The following KCTD16 variants were observed in gnomAD, a reference collection of about 807,000 sequenced individuals.
The protein encoded by KCTD16 is BTB/POZ domain-containing protein KCTD16.
In KCTD16, 13 loss-of-function variants were observed where a neutral mutation model predicts 33.2. The ratio of observed to expected loss-of-function variants is 0.39; its 90% CI spans 0.25 to 0.62. The LOEUF is 0.62. Among genes scored for constraint, KCTD16 ranks in the 20% least tolerant of loss-of-function variants. The pLI is 0.50. For synonymous variants in KCTD16, 197 were observed against 195.3 expected (o/e 1.01, Z -0.07); for missense variants, 441 against 525.1 (o/e 0.84, Z 1.57).
intron 2 of KCTD16, among the ~76,000 whole-genome samples, chr5:144,199,959 C>T (rs1226552498): frequency 1.3e-5 from 2 of 151,886 alleles, no homozygotes; most frequent in Admixed American, 6.6e-5. Flanking sequence ...ATGATCCGCC[C>T]GCTTCTGCCT....
intron 3 of KCTD16, among the ~76,000 whole-genome samples, chr5:144,362,723 G>C (rs1751741372): frequency 6.6e-6 from 1 of 152,132 alleles, no homozygotes; most frequent in Non-Finnish European, 1.5e-5. Context: ...TGGTGGATGT[G>C]GTTGTCATAA....
intron 3 of KCTD16, among the ~76,000 whole-genome samples, chr5:144,352,009 G>A (rs1751451309): frequency 6.6e-6 from 1 of 152,170 alleles, no homozygotes; most frequent in South Asian, 2.1e-4. Context: ...TATAGAAATT[G>A]CTAAGACAGT....
chr5:144,452,305 A>T (rs189631867), intron 3 of KCTD16, among the ~76,000 whole-genome samples: 1 of 151,954 alleles, frequency 6.6e-6, no homozygotes, highest in African/African-American at 2.4e-5. Flanking sequence ...ACCAATTTTA[A>T]GAAATGGGAT....
rs530514951 is a variant in KCTD16, at chr5:144,180,942, T to C, written c.-327+6470T>C. ...ACTGCAACTTTTTCTTTTTTCTTTT[T>C]TTTTTTTTGAGACGGAGTCTCGCTC... On this transcript the variant is annotated intron_variant, in intron 2 of 3. Coordinates refer to ENST00000512467, the MANE Select transcript of KCTD16 (RefSeq NM_020768.4). Among the ~76,000 whole-genome samples the C allele has an allele frequency of 2.3e-3, 356 of 152,098 alleles. 1 individual carries two copies. Among genetic ancestry groups the C allele is most frequent in the Admixed American group, 7.7e-3 (118 of 15,296 alleles).
intron 2 of KCTD16, chr5:144,205,648 C>G (rs1753147637): frequency 7.5e-6 from 3 of 398,632 alleles, no homozygotes; most frequent in Non-Finnish European, 1.3e-5. Context: ...TCTTGCAACT[C>G]TCTTCTAAGG....
chr5:144,326,640 T>G lies in KCTD16; in HGVS notation c.832+119094T>G, dbSNP rs139422473. On this transcript the variant is annotated intron_variant, in intron 3 of 3. Transcript: ENST00000512467. ...AACTGAAAATGACTGCAAGGAGGCT[T>G]TTATGGGGAGTTGGATTTTCACCTA... Among the ~76,000 whole-genome samples the G allele has an allele frequency of 1.8e-3, 275 of 152,078 alleles. 1 individual carries two copies. The highest frequency in any genetic ancestry group is 6.3e-3 in the African/African-American group (263 of 41,512).
intron 3 of KCTD16, among the ~76,000 whole-genome samples, chr5:144,238,485 T>C (rs1394215668): frequency 6.6e-6 from 1 of 152,102 alleles, no homozygotes; most frequent in East Asian, 1.9e-4. Context: ...TTTTCCTTGG[T>C]GGAAGTGAGA....
At position 144,309,531 on chromosome 5, in the gene KCTD16, A is replaced by G. The variant is rs1023059326; in HGVS notation, c.832+101985A>G. On this transcript the variant is annotated intron_variant, in intron 3 of 3. Transcript: ENST00000512467. ...CTTCCAAGCCTTGTGAGATTGGGAAATGGGCCAGGGCAATTTGTAATCCTA... is the reference window on the plus strand; with the variant it reads ...CTTCCAAGCCTTGTGAGATTGGGAAGTGGGCCAGGGCAATTTGTAATCCTA... 2.0e-5 allele frequency among the ~76,000 whole-genome samples: 3 copies of G among 152,166 alleles called. No homozygotes were observed. In the East Asian group the frequency reaches 5.8e-4, roughly 29 times the overall value.
chr5:144,393,950 T>C (rs1161638653), intron 3 of KCTD16, among the ~76,000 whole-genome samples: 2 of 150,816 alleles, frequency 1.3e-5, no homozygotes, highest in East Asian at 2.0e-4. Flanking sequence ...TTTCCTTTTT[T>C]TCTTTCTTTT....
At chr5:144,458,809 A>G (rs140157732) in intron 3 of KCTD16, among the ~76,000 whole-genome samples, 73 of 152,308 alleles carry the variant, frequency 4.8e-4, no homozygotes, top group African/African-American at 1.6e-3. Flanking sequence ...ATTTCAATGT[A>G]TTTGCAGCTA....
intron 3 of KCTD16, among the ~76,000 whole-genome samples, chr5:144,446,449 A>G (rs1416130731): frequency 6.6e-6 from 1 of 152,146 alleles, no homozygotes; most frequent in Non-Finnish European, 1.5e-5. Context: ...AAACCATAAA[A>G]TCTCTGGAAG....
At chr5:144,273,132 T>C (rs1456220270) in intron 3 of KCTD16, among the ~76,000 whole-genome samples, 1 of 151,930 alleles carries the variant, frequency 6.6e-6, no homozygotes, top group Non-Finnish European at 1.5e-5. Flanking sequence ...AAAAACAAAA[T>C]AAACAACCCA....
At chr5:144,318,490 A>G (rs1314742612) in intron 3 of KCTD16, among the ~76,000 whole-genome samples, 1 of 152,202 alleles carries the variant, frequency 6.6e-6, no homozygotes, top group African/African-American at 2.4e-5. Context: ...TGTGATTCTT[A>G]GGGTGCCACA....
At chr5:144,414,396 T>A (rs1050665299) in intron 3 of KCTD16, among the ~76,000 whole-genome samples, 1 of 152,308 alleles carries the variant, frequency 6.6e-6, no homozygotes, top group Non-Finnish European at 1.5e-5. Flanking sequence ...TGTGTGTTCC[T>A]GCAAAGTGTT....
intron 3 of KCTD16, among the ~76,000 whole-genome samples, chr5:144,339,800 TA>T (rs1752582264): frequency 6.6e-6 from 1 of 152,208 alleles, no homozygotes; most frequent in African/African-American, 2.4e-5. Context: ...TGCTAAGTGC[TA>T]GGGCTACAAT....
rs1292255994 is a variant in KCTD16, at chr5:144,482,119, A to ATCTGTTCTC, written c.*8016_*8024dup. The ATCTGTTCTC allele has an allele frequency of 6.6e-6, 1 of 151,902 alleles. No homozygotes were observed. Among genetic ancestry groups the ATCTGTTCTC allele is most frequent in the Non-Finnish European group, 1.5e-5 (1 of 67,936 alleles). The allele number at this position is 151,902 out of a possible 1,614,324, so 9.4% of individuals were successfully genotyped here. A position where few individuals can be genotyped will look rare whatever the true frequency, so the allele number is the denominator to read the frequency against. On this transcript the variant is annotated 3_prime_UTR_variant, in exon 4 of 4. Transcript: ENST00000512467. ...GCTGGCTTAACCATCTCTTTGTACA[A>ATCTGTTCTC]TCTGTTCTCTCTGTTCTCTGAACTT...
intron 3 of KCTD16, among the ~76,000 whole-genome samples, chr5:144,402,630 A>G (rs56316117): frequency 0.042 from 6,405 of 152,236 alleles, 428 homozygotes; most frequent in African/African-American, 0.14. Flanking sequence ...AGATTTCATA[A>G]GATAATCTCT....
intron 3 of KCTD16, among the ~76,000 whole-genome samples, chr5:144,261,549 C>G (rs1351467802): frequency 6.6e-6 from 1 of 152,204 alleles, no homozygotes; most frequent in Non-Finnish European, 1.5e-5. Flanking sequence ...ATTAACAAGC[C>G]TCATCACCTC....
At chr5:144,199,382 C>T (rs1248911905) in intron 2 of KCTD16, among the ~76,000 whole-genome samples, 2 of 152,162 alleles carry the variant, frequency 1.3e-5, no homozygotes, top group African/African-American at 2.4e-5. Context: ...TAACAAACAT[C>T]CCACAGGGAA....
Sources: allele counts gnomAD v4.1 joint callset (sites outside exome capture counted in the v4.1 genomes callset), GRCh38; gene constraint gnomAD v4.1.1; transcripts MANE v1.5; gene names NCBI Gene and HGNC (gene_info 2026-07-23, HGNC 2026-07-21).